The following CDH13 variants were observed in gnomAD, a reference collection of about 807,000 sequenced individuals.
CDH13 encodes the protein cadherin 13.
Under a neutral mutation model 63.8 loss-of-function variants are expected in CDH13, and 24 were observed. The observed-to-expected ratio is 0.38, with a 90% CI of 0.27 to 0.53. The LOEUF is 0.53. CDH13 is among the 20% of genes least tolerant of loss of function. The probability of loss-of-function intolerance (pLI) is 0.85; values close to 1 mark genes in which losing one functional copy is unlikely to be tolerated. For missense variants in CDH13, 1,049 were observed against 903.1 expected (o/e 1.16, Z -2.07); for synonymous variants, 503 against 355.3 (o/e 1.42, Z -4.67).
At chr16:82,682,944 G>C (rs1914700200) in intron 1 of CDH13, among the ~76,000 whole-genome samples, 1 of 152,128 alleles carries the variant, frequency 6.6e-6, no homozygotes, top group African/African-American at 2.4e-5. Context: ...AAGAATGCCT[G>C]GGCCCTAGGA....
chr16:83,674,561 T>C (rs1914793640), intron 9 of CDH13, among the ~76,000 whole-genome samples: 1 of 152,248 alleles, frequency 6.6e-6, no homozygotes. Flanking sequence ...TTTGGGCCTT[T>C]ACAGTGCATA....
intron 2 of CDH13, among the ~76,000 whole-genome samples, chr16:82,948,812 A>G (rs1905006016): frequency 6.6e-6 from 1 of 152,176 alleles, no homozygotes; most frequent in Non-Finnish European, 1.5e-5. Flanking sequence ...GAATGTAACC[A>G]ATGTTCAAAT....
intron 11 of CDH13, among the ~76,000 whole-genome samples, chr16:83,750,376 T>C (rs2150974717): frequency 6.6e-6 from 1 of 152,360 alleles, no homozygotes; most frequent in South Asian, 2.1e-4. Flanking sequence ...TTATGACACC[T>C]AACTGGCTTT....
At chr16:83,150,665 T>G (rs965462832) in intron 4 of CDH13, among the ~76,000 whole-genome samples, 2 of 152,228 alleles carry the variant, frequency 1.3e-5, no homozygotes, top group Non-Finnish European at 2.9e-5. Flanking sequence ...TACTATACTT[T>G]TTGTTGTCTT....
At chr16:82,660,681 C>G (rs1469998212) in intron 1 of CDH13, among the ~76,000 whole-genome samples, 1 of 152,142 alleles carries the variant, frequency 6.6e-6, no homozygotes, top group African/African-American at 2.4e-5. Flanking sequence ...AGAGCAGCTT[C>G]AGACATAAAT....
chr16:83,549,180 C>T (rs913244161), intron 7 of CDH13, among the ~76,000 whole-genome samples: 12 of 152,082 alleles, frequency 7.9e-5, no homozygotes, highest in African/African-American at 2.7e-4. Context: ...TGGGGAAGGA[C>T]GCAGACAAGC....
At chr16:83,315,074 G>T (rs771377396) in intron 5 of CDH13, among the ~76,000 whole-genome samples, 2 of 152,212 alleles carry the variant, frequency 1.3e-5, no homozygotes, top group Non-Finnish European at 2.9e-5. Context: ...GTTACAAAGT[G>T]ATAGTGAGGA....
chr16:83,281,502 G>A (rs151076007), intron 5 of CDH13, among the ~76,000 whole-genome samples: 2 of 152,290 alleles, frequency 1.3e-5, no homozygotes, highest in East Asian at 3.9e-4. Context: ...GTTTACTGGG[G>A]TAGCAAGTTT....
At chr16:83,256,688 A>G (rs957132030) in intron 5 of CDH13, among the ~76,000 whole-genome samples, 2 of 149,764 alleles carry the variant, frequency 1.3e-5, no homozygotes, top group African/African-American at 4.9e-5. Context: ...AAAAAAAAAA[A>G]AAAAAAATTA....
At chr16:83,570,896 A>G (rs1456134294) in intron 7 of CDH13, among the ~76,000 whole-genome samples, 1 of 139,396 alleles carries the variant, frequency 7.2e-6, no homozygotes, top group Non-Finnish European at 1.5e-5. Flanking sequence ...ATGAAACTGT[A>G]TAATTTTTAT....
At chr16:82,821,250 G>A (rs2037989005) in intron 1 of CDH13, among the ~76,000 whole-genome samples, 1 of 152,138 alleles carries the variant, frequency 6.6e-6, no homozygotes, top group South Asian at 2.1e-4. Context: ...ATGAAATTCT[G>A]AGGGGGAATT....
chr16:83,556,736 G>A (rs78025350), intron 7 of CDH13, among the ~76,000 whole-genome samples: 18 of 152,138 alleles, frequency 1.2e-4, no homozygotes, highest in Middle Eastern at 6.4e-3. Context: ...GCCTGGCTTC[G>A]ATAACTTACC....
intron 4 of CDH13, among the ~76,000 whole-genome samples, chr16:83,203,555 T>C (rs1204461108): frequency 7.1e-6 from 1 of 141,448 alleles, no homozygotes; most frequent in Non-Finnish European, 1.5e-5. Context: ...GCTGTCGTGG[T>C]GGGTGCCTGT....
At chr16:83,675,533 T>G (rs1186307224) in intron 9 of CDH13, among the ~76,000 whole-genome samples, 1 of 152,190 alleles carries the variant, frequency 6.6e-6, no homozygotes, top group Non-Finnish European at 1.5e-5. Flanking sequence ...CAGCTCTTGC[T>G]TCCCCACTCT....
intron 2 of CDH13, among the ~76,000 whole-genome samples, chr16:82,927,990 T>C (rs2042357878): frequency 6.6e-6 from 1 of 152,192 alleles, no homozygotes; most frequent in South Asian, 2.1e-4. Context: ...ATAATTTACA[T>C]TTAGTAGCTA....
At chr16:82,727,246 G>A (rs1347397557) in intron 1 of CDH13, among the ~76,000 whole-genome samples, 1 of 152,204 alleles carries the variant, frequency 6.6e-6, no homozygotes, top group Non-Finnish European at 1.5e-5. Flanking sequence ...TGCACTGGGG[G>A]CATCCCTGTT....
intron 3 of CDH13, among the ~76,000 whole-genome samples, chr16:83,097,374 C>T (rs1444915732): frequency 6.6e-6 from 1 of 152,150 alleles, no homozygotes; most frequent in African/African-American, 2.4e-5. Context: ...TTATGGGGTG[C>T]TGCCAAATAT....
intron 6 of CDH13, among the ~76,000 whole-genome samples, chr16:83,358,009 C>G (rs956104770): frequency 5.9e-5 from 9 of 152,188 alleles, no homozygotes; most frequent in Non-Finnish European, 1.3e-4. Flanking sequence ...ATGATCATCT[C>G]TATGTCCCAG....
chr16:82,935,674 G>C (rs1402214349), intron 2 of CDH13, among the ~76,000 whole-genome samples: 2 of 152,150 alleles, frequency 1.3e-5, no homozygotes, highest in Non-Finnish European at 2.9e-5. Flanking sequence ...ACCACAGCAG[G>C]AGAGTCAGCA....
Sources: gnomAD v4.1 joint callset for allele counts (sites outside exome capture counted in the v4.1 genomes callset) on GRCh38, gnomAD v4.1.1 for gene constraint, MANE v1.5 for transcripts, NCBI Gene and HGNC (gene_info 2026-07-23, HGNC 2026-07-21) for gene names.